SZRD1: variants seen among roughly 807,000 people sequenced by gnomAD.
SZRD1 encodes the protein SUZ RNA-binding domain-containing.
A neutral mutation model predicts 17.6 loss-of-function variants in SZRD1; 7 were observed. That is an observed-to-expected ratio of 0.40 (90% CI 0.23 to 0.75). The LOEUF is 0.75. SZRD1 is among the 30% of genes least tolerant of loss of function. The pLI, the probability that SZRD1 is intolerant of heterozygous loss-of-function variation, is 0.38. For missense variants in SZRD1, 178 were observed against 201.8 expected (o/e 0.88, Z 0.71); for synonymous variants, 77 against 77.9 (o/e 0.99, Z 0.06).
At chr1:16,388,043 G>A (rs2085155850) in intron 1 of SZRD1, among the ~76,000 whole-genome samples, 1 of 152,170 alleles carries the variant, frequency 6.6e-6, no homozygotes. Flanking sequence ...AAGCTGGAGC[G>A]AGAGGTTTCC....
chr1:16,369,903 A>AC (rs954871685), intron 1 of SZRD1, among the ~76,000 whole-genome samples: 1 of 149,626 alleles, frequency 6.7e-6, no homozygotes, highest in South Asian at 2.1e-4. Flanking sequence ...AAAAAACAAA[A>AC]AAAAAAAACT....
chr1:16,371,447 TCCTTTTTTTTTTTCC>T (rs894061059), intron 1 of SZRD1, among the ~76,000 whole-genome samples: 9 of 141,268 alleles, frequency 6.4e-5, no homozygotes, highest in African/African-American at 1.6e-4. Context: ...TCCTTTTTTT[TCCTTTTTTTTTTTCC>T]CCTTTTTTTT....
intron 1 of SZRD1, among the ~76,000 whole-genome samples, chr1:16,380,535 C>A (rs1024613206): frequency 6.6e-6 from 1 of 151,836 alleles, no homozygotes; most frequent in African/African-American, 2.4e-5. Flanking sequence ...GTGGCGTGAT[C>A]GCGGTTCACC....
At chr1:16,382,776 G>C (rs914312686) in intron 1 of SZRD1, among the ~76,000 whole-genome samples, 4 of 151,806 alleles carry the variant, frequency 2.6e-5, no homozygotes, top group African/African-American at 9.7e-5. Context: ...GATTACAGGC[G>C]TGAGCCACTG....
chr1:16,389,184 C>T (rs1378015267), intron 1 of SZRD1, among the ~76,000 whole-genome samples: 2 of 148,638 alleles, frequency 1.3e-5, no homozygotes, highest in Non-Finnish European at 3.0e-5. Flanking sequence ...CCCAGGTTCA[C>T]GCCATCCTCC....
intron 1 of SZRD1, among the ~76,000 whole-genome samples, chr1:16,379,767 T>G (rs1167900297): frequency 6.6e-6 from 1 of 151,104 alleles, no homozygotes; most frequent in African/African-American, 2.4e-5. Flanking sequence ...GGGGTTTTTT[T>G]TTTTTTTTTT....
intron 3 of SZRD1, among the ~76,000 whole-genome samples, chr1:16,394,181 G>A (rs367564648): frequency 1.3e-5 from 2 of 152,138 alleles, no homozygotes; most frequent in Non-Finnish European, 2.9e-5. Flanking sequence ...AAAAATCTGC[G>A]TACCTTCTTT....
At chr1:16,369,895 A>C (rs556381551) in intron 1 of SZRD1, among the ~76,000 whole-genome samples, 3,028 of 144,104 alleles carry the variant, frequency 0.021, 100 homozygotes, top group African/African-American at 0.073. Context: ...ATCAAAAAAA[A>C]AAACAAAAAA....
Position 16,395,157 on chromosome 1 carries a change from A to C in SZRD1, c.*17A>C. On this transcript the variant is annotated 3_prime_UTR_variant, in exon 4 of 4. Transcript: ENST00000401088. The stretch of plus-strand genomic sequence containing the variant: ...CGCAGATAAATGCAGGCAAGAAAAG[A>C]TGCCGCCGTTGCTGCCGTCACCGCC... 6.3e-7 allele frequency: 1 copy of C among 1,582,292 alleles called. No individual in the cohort carries two copies. Among genetic ancestry groups the C allele is most frequent in the Non-Finnish European group, 8.7e-7 (1 of 1,151,170 alleles).
At chr1:16,374,744 C>T (rs562103474) in intron 1 of SZRD1, among the ~76,000 whole-genome samples, 1 of 152,302 alleles carries the variant, frequency 6.6e-6, no homozygotes, top group Non-Finnish European at 1.5e-5. Flanking sequence ...TGTGTTCTGT[C>T]AGGAAAACTA....
intron 1 of SZRD1, among the ~76,000 whole-genome samples, chr1:16,389,777 TTACGA>T (rs1257906556): frequency 1.3e-5 from 2 of 152,228 alleles, no homozygotes; most frequent in Non-Finnish European, 2.9e-5. Flanking sequence ...TACAGAGCAC[TTACGA>T]AAATGGCCTA....
At chr1:16,385,478 G>C (rs570374679) in intron 1 of SZRD1, among the ~76,000 whole-genome samples, 1 of 152,114 alleles carries the variant, frequency 6.6e-6, no homozygotes, top group Admixed American at 6.6e-5. Context: ...TATACTTGCT[G>C]TGCTTTACAC....
At chr1:16,379,382 C>T (rs555185877) in intron 1 of SZRD1, among the ~76,000 whole-genome samples, 3 of 152,218 alleles carry the variant, frequency 2.0e-5, no homozygotes, top group South Asian at 2.1e-4. Flanking sequence ...GGATTACAGG[C>T]GTGAGCCACT....
intron 1 of SZRD1, chr1:16,368,134 G>A (rs997425104): frequency 2.6e-5 from 4 of 152,210 alleles, no homozygotes; most frequent in African/African-American, 7.2e-5. Context: ...ATCTCAAAGA[G>A]GATCTGTCAA....
intron 1 of SZRD1, among the ~76,000 whole-genome samples, chr1:16,370,355 A>T (rs2082893254): frequency 6.6e-6 from 1 of 150,618 alleles, no homozygotes; most frequent in South Asian, 2.1e-4. Context: ...CCTCCCGAGT[A>T]GCTGGGATTA....
At position 16,397,813 on chromosome 1, in the gene SZRD1, C is replaced by T. The variant is rs992683205; in HGVS notation, c.*2673C>T. The T allele has an allele frequency of 5.3e-6, 1 of 188,402 alleles. No homozygotes were observed. Among genetic ancestry groups the T allele is most frequent in the Non-Finnish European group, 9.9e-6 (1 of 100,970 alleles). 11.7% of individuals were successfully genotyped at this position (188,402 alleles called of 1,614,324 possible). A position where few individuals can be genotyped will look rare whatever the true frequency, so the allele number is the denominator to read the frequency against. ...TCCAGAGCCCATCTGCCCCGCCCAG[C>T]CCTGCCCTGCCCAGCCATACCCTGC... On this transcript the variant is annotated 3_prime_UTR_variant, in exon 4 of 4. Transcript: ENST00000401088. This position sits in a 1 kb window ranked among gnomAD's most constrained non-coding sequence, Gnocchi z 5.4.
chr1:16,382,054 T>A (rs2083113675), intron 1 of SZRD1, among the ~76,000 whole-genome samples: 3 of 152,168 alleles, frequency 2.0e-5, no homozygotes, highest in Admixed American at 6.5e-5. Flanking sequence ...GTGGCCATGC[T>A]TGATAGGGGA....
chr1:16,371,991 A>C (rs1230329134), intron 1 of SZRD1, among the ~76,000 whole-genome samples: 1 of 152,178 alleles, frequency 6.6e-6, no homozygotes, highest in Non-Finnish European at 1.5e-5. Context: ...TGTTTCCTGT[A>C]TAGCTTCCGA....
chr1:16,387,854 A>G (rs2085152975), intron 1 of SZRD1: 1 of 365,954 alleles, frequency 2.7e-6, no homozygotes, highest in African/African-American at 2.1e-5. Flanking sequence ...CACTGGTATT[A>G]ATAGAATTAA....
Sources: gnomAD v4.1 joint callset for allele counts (sites outside exome capture counted in the v4.1 genomes callset) on GRCh38, gnomAD v4.1.1 for gene constraint, Gnocchi (gnomAD v3.1) non-coding constraint, MANE v1.5 for transcripts, NCBI Gene and HGNC (gene_info 2026-07-23, HGNC 2026-07-21) for gene names.